The following TWF2 variants were observed in gnomAD, a reference collection of about 807,000 sequenced individuals.
TWF2 encodes the protein twinfilin actin binding protein 2, also known as twinfilin-2.
A neutral mutation model predicts 45.1 loss-of-function variants in TWF2; 15 were observed. The observed-to-expected ratio is 0.33, with a 90% CI of 0.22 to 0.51. The LOEUF (loss-of-function observed/expected upper bound fraction) is 0.51, where lower values mean the gene tolerates loss of function less well. Ranked by LOEUF, TWF2 falls within the 20% of genes least tolerant of loss-of-function variation. The probability of loss-of-function intolerance (pLI) is 0.97; values close to 1 mark genes in which losing one functional copy is unlikely to be tolerated. For synonymous variants in TWF2, 177 were observed against 195.8 expected, an observed-to-expected ratio of 0.90 and a Z score of 0.80; for missense variants, 423 against 469.1, an observed-to-expected ratio of 0.90 and a Z score of 0.91.
intron 8 of TWF2, 53 bp from the exon 9 acceptor site, chr3:52,229,254 C>G: frequency 6.3e-7 from 1 of 1,590,992 alleles, no homozygotes; most frequent in Non-Finnish European, 8.5e-7. Context: ...TGACACACAC[C>G]ACCCCTGGTA....
intron 2 of TWF2, among the ~76,000 whole-genome samples, chr3:52,233,019 G>T (rs1469878960): frequency 6.6e-6 from 1 of 152,130 alleles, no homozygotes; most frequent in Non-Finnish European, 1.5e-5. Context: ...CTCAAAAAAA[G>T]AAAGAAAATG....
rs1372111181 is a variant in TWF2 at position 52,232,134 on chromosome 3, G to C, written c.104-12C>G. ...CAGCACGAGCTGCTCTGGGGGCAGAGGCCGGATGAGCAGCCGCTCCCAGCT... is the reference window on the plus strand; with the variant it reads ...CAGCACGAGCTGCTCTGGGGGCAGACGCCGGATGAGCAGCCGCTCCCAGCT... On this transcript the variant is annotated splice_polypyrimidine_tract_variant and intron_variant, in intron 2 of 8. Transcript: ENST00000305533. 1 of 1,538,886 alleles carries C rather than the reference G, an allele frequency of 6.5e-7. No individual in the cohort carries two copies. Among genetic ancestry groups the C allele is most frequent in the East Asian group, 2.4e-5 (1 of 41,256 alleles).
chr3:52,238,467 A>C (rs1172811307), intron 1 of TWF2, among the ~76,000 whole-genome samples: 1 of 152,200 alleles, frequency 6.6e-6, no homozygotes, highest in Non-Finnish European at 1.5e-5. Context: ...CTTGGCAAAA[A>C]TGCACACTGA....
intron 4 of TWF2, 59 bp downstream of exon 4, chr3:52,231,385 C>T: frequency 2.0e-5 from 32 of 1,596,274 alleles, no homozygotes; most frequent in Middle Eastern, 1.7e-4. Flanking sequence ...TGACCCTGCA[C>T]AGTGACCCCT....
In TWF2 at chr3:52,235,074, C is replaced by T; in HGVS notation, c.58G>A (p.Ala20Thr). 1 of 1,613,978 alleles carries T rather than the reference C, an allele frequency of 6.2e-7. No homozygotes were observed. The highest frequency in any genetic ancestry group is 1.1e-5 in the South Asian group (1 of 91,080). The change falls in exon 2 of 9, where the codon GCA becomes ACA. Residue 20 changes from alanine to threonine, a missense_variant. Ala to Thr is a moderately conservative substitution (Grantham distance 58). Coordinates refer to ENST00000305533, the MANE Select transcript of TWF2 (RefSeq NM_007284.4). ...ATGAGCCGCACAGAGCCAGCCCGTG[C>T]CTTGGCAAAGAATTCCTTCAGCTCT... ...TEELKEFFAKARAGSVRLIKV... is the reference protein window; with the variant it reads ...TEELKEFFAKTRAGSVRLIKV...
At chr3:52,229,817 G>C in intron 7 of TWF2, 35 bp from the exon 8 acceptor site, 10 of 1,602,820 alleles carry the variant, frequency 6.2e-6, no homozygotes, top group Non-Finnish European at 8.5e-6. Flanking sequence ...TGGGAGGCCT[G>C]AGAAACCTGC....
At chr3:52,236,507 G>C (rs778125607) in intron 1 of TWF2, among the ~76,000 whole-genome samples, 5 of 152,144 alleles carry the variant, frequency 3.3e-5, no homozygotes, top group Non-Finnish European at 5.9e-5. Context: ...TGGGTGAGCA[G>C]GGCTAGGCCA....
intron 1 of TWF2, among the ~76,000 whole-genome samples, chr3:52,235,573 C>T (rs1699717790): frequency 6.6e-6 from 1 of 152,160 alleles, no homozygotes; most frequent in Admixed American, 6.5e-5. Flanking sequence ...CAGCTCAATC[C>T]AGCATGTGTG....
chr3:52,232,077 T>A lies in TWF2; in HGVS notation c.149A>T (p.Asp50Val), dbSNP rs763313291. Residue 50 changes from aspartate to valine, a missense_variant, in exon 3 of 9, where the codon GAT becomes GTT. Transcript: ENST00000305533. ...GASQEPVGRW[D>V]QDYDRAVLPL... The stretch of plus-strand genomic sequence containing the variant: ...CAGCACGGCCCTGTCATAGTCCTGA[T>A]CCCAGCGGCCTACTGGCTCCTGCGA... 1.2e-6 allele frequency: 2 copies of A among 1,612,890 alleles called. No individual in the cohort carries two copies. The highest frequency in any genetic ancestry group is 2.7e-5 in the African/African-American group (2 of 74,886).
Position 52,231,492 on chromosome 3 carries a change from C to T in TWF2, c.330G>A (p.Lys110=). The stretch of plus-strand genomic sequence containing the variant: ...CCTTGATGTGGCCACCTCCAAACTC[C>T]TTTTTCACTGTGGCCCGCGTGGCCG... ...LYAATRATVK[K]EFGGGHIKDE... is the part of the protein sequence containing the mutation. Residue 110 remains lysine, a synonymous_variant, in exon 4 of 9, where the codon AAG becomes AAA. Transcript: ENST00000305533. The T allele has an allele frequency of 6.2e-7, 1 of 1,614,054 alleles. No homozygotes were observed. The highest frequency in any genetic ancestry group is 1.1e-5 in the South Asian group (1 of 91,090).
In TWF2 at chr3:52,231,107, G is replaced by C; in HGVS notation, c.483+20C>G. 6.2e-7 allele frequency: 1 copy of C among 1,613,930 alleles called. No individual in the cohort carries two copies. Among genetic ancestry groups the C allele is most frequent in the Non-Finnish European group, 8.5e-7 (1 of 1,179,904 alleles). The stretch of plus-strand genomic sequence containing the variant: ...TATGACCCTGAGGGCTCAAGGCTGG[G>C]GCCTCTGCTCCCCACCCACCTCGTT... On this transcript the variant is annotated intron_variant, in intron 5 of 8. Coordinates refer to ENST00000305533, the MANE Select transcript of TWF2 (RefSeq NM_007284.4).
intron 1 of TWF2, 131 bp downstream of exon 1, chr3:52,238,861 C>A: frequency 7.6e-7 from 1 of 1,320,760 alleles, no homozygotes; most frequent in Non-Finnish European, 1.0e-6. Flanking sequence ...CCCAGGCGAC[C>A]CGCGGCTGCA....
intron 2 of TWF2, among the ~76,000 whole-genome samples, chr3:52,233,785 T>G (rs569290167): frequency 3.3e-5 from 5 of 151,884 alleles, no homozygotes; most frequent in East Asian, 1.9e-4. Flanking sequence ...GCAGTGGTGG[T>G]CGCCTGTAGT....
chr3:52,230,691 G>A (rs150983578), intron 6 of TWF2, among the ~76,000 whole-genome samples, 179 bp downstream of exon 6: 7 of 152,236 alleles, frequency 4.6e-5, no homozygotes, highest in African/African-American at 1.2e-4. Flanking sequence ...CGCCCCAGGC[G>A]GAATAGGTAG....
At chr3:52,238,872 A>G in intron 1 of TWF2, 120 bp downstream of exon 1, 1 of 1,392,550 alleles carries the variant, frequency 7.2e-7, no homozygotes, top group Non-Finnish European at 9.6e-7. Flanking sequence ...CGCGGCTGCA[A>G]AAGAGAACAG....
Position 52,230,979 on chromosome 3 carries a change from C to A in TWF2, c.500G>T (p.Ser167Ile), listed in dbSNP as rs1175173725. ...IRINEVKTEI[S>I]VESKHQTLQG... ...CAGGGTCTGGTGCTTGCTTTCCACA[C>A]TGATCTCTGTCTTCACCTGTGGGTA... The change falls in exon 6 of 9, where the codon AGT becomes ATT. Residue 167 changes from serine to isoleucine, a missense_variant. Transcript: ENST00000305533. 1 of 1,605,302 alleles carries A rather than the reference C, an allele frequency of 6.2e-7. No individual in the cohort carries two copies.
intron 2 of TWF2, among the ~76,000 whole-genome samples, chr3:52,232,577 A>C (rs1389939656): frequency 6.6e-6 from 1 of 152,086 alleles, no homozygotes; most frequent in Non-Finnish European, 1.5e-5. Flanking sequence ...CCCTCAGGAC[A>C]AATGTGCTGA....
At position 52,232,362 on chromosome 3, in the gene TWF2, C is replaced by G; in HGVS notation, c.104-240G>C. 5.2e-6 allele frequency: 3 copies of G among 571,546 alleles called. No individual in the cohort carries two copies. In the South Asian group the frequency reaches 6.4e-5, roughly 12 times the overall value. The allele number at this position is 571,546 out of a possible 1,614,324, so 35.4% of individuals were successfully genotyped here. A position where few individuals can be genotyped will look rare whatever the true frequency, so the allele number is the denominator to read the frequency against. ...ACATCCCCAGCGCGTGCACACACCCCCCCACACACACACACGTGCGCAGAT... is the reference window on the plus strand; with the variant it reads ...ACATCCCCAGCGCGTGCACACACCCGCCCACACACACACACGTGCGCAGAT... On this transcript the variant is annotated intron_variant, in intron 2 of 8. Transcript: ENST00000305533.
chr3:52,229,043 A>G lies in TWF2; in HGVS notation c.1041T>C (p.Asp347=). 1 of 1,611,752 alleles carries G rather than the reference A, an allele frequency of 6.2e-7. No individual in the cohort carries two copies. The highest frequency in any genetic ancestry group is 2.2e-5 in the East Asian group (1 of 44,886). ...RLIRGPGENG[D]DS Reference sequence around the variant, plus strand: ...GCCCTGCTCCAGCCTCCTAGCTGTCATCCCCATTTTCACCCGGGCCGCGGA... The same window carrying G: ...GCCCTGCTCCAGCCTCCTAGCTGTCGTCCCCATTTTCACCCGGGCCGCGGA... The change falls in exon 9 of 9, where the codon GAT becomes GAC. Residue 347 remains aspartate, a synonymous_variant. Coordinates refer to ENST00000305533, the MANE Select transcript of TWF2 (RefSeq NM_007284.4).
Sources: allele counts gnomAD v4.1 joint callset (sites outside exome capture counted in the v4.1 genomes callset), GRCh38; gene constraint gnomAD v4.1.1; transcripts MANE v1.5; gene names NCBI Gene and HGNC (gene_info 2026-07-23, HGNC 2026-07-21).